The following ANO6 variants were observed in gnomAD, a reference collection of about 807,000 sequenced individuals.
ANO6 encodes the protein anoctamin 6.
ANO6 carries 106 observed loss-of-function variants against 117.5 expected under a neutral mutation model. That is an observed-to-expected ratio of 0.90 (90% CI 0.77 to 1.06). The LOEUF is 1.06. ANO6 is among the 50% of genes least tolerant of loss of function. ANO6 has a pLI of 0.00. For missense variants in ANO6, 955 were observed against 1,121.1 expected (o/e 0.85, Z 2.12); for synonymous variants, 367 against 385.1 (o/e 0.95, Z 0.55).
chr12:45,263,934 G>A (rs773506891), intron 1 of ANO6, among the ~76,000 whole-genome samples: 19 of 152,166 alleles, frequency 1.2e-4, no homozygotes, highest in African/African-American at 2.9e-4. Flanking sequence ...CCCTTTAAAC[G>A]TATCTGTTCA....
At chr12:45,306,100 C>T (rs1024869098) in intron 2 of ANO6, among the ~76,000 whole-genome samples, 1 of 152,130 alleles carries the variant, frequency 6.6e-6, no homozygotes, top group Non-Finnish European at 1.5e-5. Flanking sequence ...CTGGAAGATA[C>T]TGCCATGGAT....
chr12:45,366,354 A>AT (rs370961018), intron 8 of ANO6, among the ~76,000 whole-genome samples: 3,919 of 150,188 alleles, frequency 0.026, 171 homozygotes, highest in African/African-American at 0.088. Flanking sequence ...GGTTATCTAC[A>AT]TTTTTTTTTC....
intron 2 of ANO6, among the ~76,000 whole-genome samples, chr12:45,317,644 G>C (rs1264407770): frequency 6.6e-6 from 1 of 152,036 alleles, no homozygotes; most frequent in East Asian, 1.9e-4. Context: ...CCCAGTAATG[G>C]GATGGCTGGG....
chr12:45,260,792 A>AT (rs889295016), intron 1 of ANO6, among the ~76,000 whole-genome samples: 13 of 150,710 alleles, frequency 8.6e-5, no homozygotes, highest in East Asian at 1.9e-4. Context: ...ATTTTTATTT[A>AT]TTTTTTTTTA....
Position 45,378,034 on chromosome 12 carries a change from T to G in ANO6, c.1105-19T>G. ...AAGTGGAGGATATGACTCATTTATA[T>G]GTCATTTATATTTTCCAGAAATTGT... On this transcript the variant is annotated intron_variant, in intron 9 of 19. Transcript: ENST00000320560. 6.2e-7 allele frequency: 1 copy of G among 1,601,180 alleles called. No homozygotes were observed. Among genetic ancestry groups the G allele is most frequent in the Non-Finnish European group, 8.6e-7 (1 of 1,168,390 alleles).
chr12:45,246,746 T>C (rs541346996), intron 1 of ANO6, among the ~76,000 whole-genome samples: 6 of 150,760 alleles, frequency 4.0e-5, no homozygotes, highest in Non-Finnish European at 8.8e-5. Context: ...TCACATGGGC[T>C]AGTTCCACCC....
intron 1 of ANO6, among the ~76,000 whole-genome samples, chr12:45,229,610 G>A (rs929558401): frequency 2.6e-5 from 4 of 151,962 alleles, no homozygotes; most frequent in Non-Finnish European, 5.9e-5. Context: ...GGATGGTCTC[G>A]ATCTCTTTAC....
rs116975806 is a variant in ANO6 at position 45,221,618 on chromosome 12, G to T, written c.70+5227G>T. ...TCCATGGTAGCACGTTCTAAAATGGGTTGGGAAAGGAGACAGTAGAGCTAA... is the reference window on the plus strand; with the variant it reads ...TCCATGGTAGCACGTTCTAAAATGGTTTGGGAAAGGAGACAGTAGAGCTAA... On this transcript the variant is annotated intron_variant, in intron 1 of 19. Transcript: ENST00000320560. 1.4e-4 allele frequency among the ~76,000 whole-genome samples: 21 copies of T among 152,282 alleles called. No homozygotes were observed. The East Asian group carries it at 3.5e-3, about 25-fold the overall frequency.
At chr12:45,367,103 T>A (rs1261568922) in intron 8 of ANO6, among the ~76,000 whole-genome samples, 2 of 152,186 alleles carry the variant, frequency 1.3e-5, no homozygotes, top group Non-Finnish European at 2.9e-5. Flanking sequence ...TGCCTCAGCT[T>A]CTCGAGTAGC....
At chr12:45,439,960 A>G (rs1349475872) in exon 20 of ANO6, 2 of 1,458,830 alleles carry the variant, frequency 1.4e-6, no homozygotes, top group Admixed American at 5.0e-5. Context: ...AATTCATTCA[A>G]CAAATATTTG....
intron 3 of ANO6, among the ~76,000 whole-genome samples, chr12:45,333,530 A>T (rs1461950422): frequency 6.6e-6 from 1 of 152,068 alleles, no homozygotes; most frequent in East Asian, 1.9e-4. Context: ...GCTTACATTA[A>T]TCAGTTCTGC....
chr12:45,310,696 G>T (rs913199161), intron 2 of ANO6, among the ~76,000 whole-genome samples: 14 of 152,070 alleles, frequency 9.2e-5, no homozygotes, highest in African/African-American at 3.1e-4. Flanking sequence ...TGTTCCAAAT[G>T]AGTTAACCAG....
intron 1 of ANO6, among the ~76,000 whole-genome samples, chr12:45,228,644 A>G (rs1349119634): frequency 6.6e-6 from 1 of 152,154 alleles, no homozygotes; most frequent in African/African-American, 2.4e-5. Flanking sequence ...GACTGGAGAC[A>G]TGGAAATACG....
intron 1 of ANO6, among the ~76,000 whole-genome samples, chr12:45,287,033 A>G (rs1410940765): frequency 6.6e-6 from 1 of 152,206 alleles, no homozygotes; most frequent in Non-Finnish European, 1.5e-5. Flanking sequence ...GAACTATCCT[A>G]GGTGGTTGGG....
At chr12:45,222,300 A>G (rs1947415153) in intron 1 of ANO6, among the ~76,000 whole-genome samples, 1 of 152,154 alleles carries the variant, frequency 6.6e-6, no homozygotes, top group South Asian at 2.1e-4. Context: ...AGCTGGGATT[A>G]CAGGTGCCCA....
chr12:45,316,198 A>G (rs944167478), intron 2 of ANO6, among the ~76,000 whole-genome samples: 1 of 152,116 alleles, frequency 6.6e-6, no homozygotes, highest in Non-Finnish European at 1.5e-5. Context: ...CCTGTTGAGC[A>G]GGTACTGTTG....
intron 1 of ANO6, among the ~76,000 whole-genome samples, chr12:45,217,564 A>G (rs3759081): frequency 6.6e-6 from 1 of 152,176 alleles, no homozygotes; most frequent in Non-Finnish European, 1.5e-5. Context: ...TTTAAGAACA[A>G]TTTACTAGTT....
At chr12:45,341,706 A>G (rs573653010) in intron 3 of ANO6, among the ~76,000 whole-genome samples, 31 of 152,320 alleles carry the variant, frequency 2.0e-4, no homozygotes, top group Non-Finnish European at 2.9e-4. Flanking sequence ...TTCCTGTAAA[A>G]TGACGTACTG....
chr12:45,344,411 T>C (rs187333184), intron 3 of ANO6, among the ~76,000 whole-genome samples: 82 of 152,288 alleles, frequency 5.4e-4, no homozygotes, highest in Non-Finnish European at 9.6e-4. Flanking sequence ...TGGCTCACAG[T>C]TCTGCAGGCT....
Sources: gnomAD v4.1 joint callset for allele counts (sites outside exome capture counted in the v4.1 genomes callset) on GRCh38, gnomAD v4.1.1 for gene constraint, MANE v1.5 for transcripts, NCBI Gene and HGNC (gene_info 2026-07-23, HGNC 2026-07-21) for gene names.